STPG2: variants seen among roughly 807,000 people sequenced by gnomAD.
STPG2 encodes the protein sperm tail PG-rich repeat containing 2.
STPG2 carries 56 observed loss-of-function variants against 54.2 expected under a neutral mutation model. That is an observed-to-expected ratio of 1.03 (90% CI 0.83 to 1.29). STPG2 has a LOEUF of 1.29. Ranked by LOEUF, STPG2 falls within the 50% of genes most tolerant of loss-of-function variation. STPG2 has a pLI of 0.00. For synonymous variants in STPG2, 200 were observed against 181.8 expected (o/e 1.10, Z -0.81); for missense variants, 596 against 544.9 (o/e 1.09, Z -0.93).
At chr4:97,906,603 T>C (rs1365783916) in intron 8 of STPG2, among the ~76,000 whole-genome samples, 4 of 152,148 alleles carry the variant, frequency 2.6e-5, no homozygotes, top group Non-Finnish European at 2.9e-5. Flanking sequence ...TGAACATTGA[T>C]GCAAAAATCC....
intron 10 of STPG2, among the ~76,000 whole-genome samples, chr4:97,631,733 C>A (rs1721287396): frequency 1.3e-5 from 2 of 151,974 alleles, no homozygotes; most frequent in Non-Finnish European, 2.9e-5. Flanking sequence ...CCTGGTCTAG[C>A]AAGAATGTTT....
intron 10 of STPG2, among the ~76,000 whole-genome samples, chr4:97,664,901 G>T (rs570464508): frequency 1.8e-4 from 28 of 152,038 alleles, no homozygotes; most frequent in African/African-American, 6.8e-4. Flanking sequence ...GAGTGGCGAG[G>T]GGTGTGTGAG....
chr4:97,819,829 G>C (rs1378844), intron 9 of STPG2, among the ~76,000 whole-genome samples: 2,662 of 151,932 alleles, frequency 0.018, 74 homozygotes, highest in African/African-American at 0.061. Flanking sequence ...TGTTCACATA[G>C]AGAACACAAT....
intron 5 of STPG2, among the ~76,000 whole-genome samples, chr4:98,020,847 G>A (rs1215339506): frequency 6.6e-6 from 1 of 152,138 alleles, no homozygotes; most frequent in Admixed American, 6.5e-5. Context: ...TTGTATTTCT[G>A]TGGGATTGGT....
chr4:98,010,724 G>A (rs570448351), intron 5 of STPG2, among the ~76,000 whole-genome samples: 1 of 151,986 alleles, frequency 6.6e-6, no homozygotes, highest in South Asian at 2.1e-4. Flanking sequence ...TTTCTCTCTT[G>A]CTGTCTTTCT....
At chr4:97,773,997 GT>G (rs1274892582) in intron 9 of STPG2, among the ~76,000 whole-genome samples, 3 of 126,254 alleles carry the variant, frequency 2.4e-5, no homozygotes, top group South Asian at 2.9e-4. Context: ...AATATAGGGT[GT>G]GTGTGTGTGT....
At chr4:97,588,910 T>C (rs1198555859) in intron 10 of STPG2, among the ~76,000 whole-genome samples, 1 of 152,114 alleles carries the variant, frequency 6.6e-6, no homozygotes, top group Non-Finnish European at 1.5e-5. Flanking sequence ...TTAATTTGTA[T>C]AGTTTTACAT....
intron 5 of STPG2, among the ~76,000 whole-genome samples, chr4:98,050,571 G>C (rs971145685): frequency 1.3e-5 from 2 of 152,176 alleles, no homozygotes; most frequent in Non-Finnish European, 2.9e-5. Flanking sequence ...ACTCACAGGA[G>C]TTGAGGAACA....
intron 5 of STPG2, 59 bp downstream of exon 5, chr4:98,105,894 A>G: frequency 2.8e-6 from 4 of 1,414,072 alleles, no homozygotes; most frequent in Non-Finnish European, 3.9e-6. Flanking sequence ...CCTTGTGATA[A>G]CAGGATTCAA....
intron 5 of STPG2, among the ~76,000 whole-genome samples, chr4:98,018,278 T>C (rs1012777734): frequency 5.9e-5 from 9 of 152,148 alleles, no homozygotes; most frequent in Admixed American, 5.2e-4. Flanking sequence ...TTTGGTTTTT[T>C]GTCCTTGTGA....
intron 5 of STPG2, among the ~76,000 whole-genome samples, chr4:98,002,569 A>C (rs1735445093): frequency 6.6e-6 from 1 of 152,100 alleles, no homozygotes; most frequent in East Asian, 1.9e-4. Context: ...AGATGAGGTC[A>C]TCAAGTAATA....
intron 8 of STPG2, among the ~76,000 whole-genome samples, chr4:97,860,885 C>G (rs1395280): frequency 1.5e-3 from 226 of 152,186 alleles, no homozygotes; most frequent in African/African-American, 5.3e-3. Flanking sequence ...CAGCTTTTCC[C>G]CATTCAACAT....
chr4:97,759,681 G>A (rs1185097243), intron 9 of STPG2, among the ~76,000 whole-genome samples: 3 of 152,060 alleles, frequency 2.0e-5, no homozygotes, highest in Admixed American at 6.6e-5. Context: ...AAAAAATTAG[G>A]TACTCATAGG....
chr4:97,505,508 CA>C (rs1209962704), intron 4 of STPG2, among the ~76,000 whole-genome samples: 5 of 151,714 alleles, frequency 3.3e-5, no homozygotes, highest in Admixed American at 1.3e-4. Flanking sequence ...TATAGGATGA[CA>C]AAGGCAGATT....
intron 9 of STPG2, among the ~76,000 whole-genome samples, chr4:97,756,662 T>C (rs2149049630): frequency 6.6e-6 from 1 of 152,196 alleles, no homozygotes. Flanking sequence ...GCCTGCTACT[T>C]CAAGGGGGAA....
chr4:98,053,552 A>G (rs1408032306), intron 5 of STPG2, among the ~76,000 whole-genome samples: 2 of 152,122 alleles, frequency 1.3e-5, no homozygotes, highest in Non-Finnish European at 2.9e-5. Flanking sequence ...AAAAATCTAA[A>G]TTTGAGTAAA....
rs1553939674 is a variant in STPG2, at chr4:98,077,225, T to TTTTTTGTTGTTG, written c.612+28727_612+28728insCAACAACAAAAA. On this transcript the variant is annotated intron_variant, in intron 5 of 10. Transcript: ENST00000295268. ...AAAGTTCTTTTGCGTCCTCAATAGTTTTGTTGTTGTTGTTGTTGTTGTTGT... is the reference window on the plus strand; with the variant it reads ...AAAGTTCTTTTGCGTCCTCAATAGTTTTTTTGTTGTTGTTGTTGTTGTTGTTGTTGTTGTTGT... Among the ~76,000 whole-genome samples the TTTTTTGTTGTTG allele has an allele frequency of 1.1e-3, 167 of 148,682 alleles. 1 individual carries two copies. The highest frequency in any genetic ancestry group is 2.0e-3 in the African/African-American group (79 of 40,320).
chr4:97,996,234 A>G (rs1735204335), intron 5 of STPG2, among the ~76,000 whole-genome samples: 1 of 152,234 alleles, frequency 6.6e-6, no homozygotes, highest in Admixed American at 6.5e-5. Context: ...GTACTGGTAC[A>G]GAAGCAGACA....
intron 3 of STPG2, among the ~76,000 whole-genome samples, chr4:98,121,662 A>C (rs2110155906): frequency 6.6e-6 from 1 of 152,036 alleles, no homozygotes; most frequent in South Asian, 2.1e-4. Flanking sequence ...TGTGAAAGGG[A>C]GTTCATTTAT....
Sources: gnomAD v4.1 joint callset for allele counts (sites outside exome capture counted in the v4.1 genomes callset) on GRCh38, gnomAD v4.1.1 for gene constraint, MANE v1.5 for transcripts, NCBI Gene and HGNC (gene_info 2026-07-23, HGNC 2026-07-21) for gene names.